PDGFD: variants seen among roughly 807,000 people sequenced by gnomAD.
PDGFD encodes the protein platelet-derived growth factor D.
In PDGFD, 30 loss-of-function variants were observed where a neutral mutation model predicts 44.7. The observed-to-expected ratio is 0.67, with a 90% confidence interval of 0.50 to 0.91. The LOEUF (loss-of-function observed/expected upper bound fraction) is 0.91, where lower values mean the gene tolerates loss of function less well. PDGFD is among the 40% of genes least tolerant of loss of function. PDGFD has a pLI of 0.00. For synonymous variants in PDGFD, 173 were observed against 168.4 expected (o/e 1.03, Z -0.21); for missense variants, 445 against 457.8 (o/e 0.97, Z 0.25).
intron 1 of PDGFD, among the ~76,000 whole-genome samples, chr11:104,024,843 C>A (rs571233313): frequency 6.6e-6 from 1 of 152,330 alleles, no homozygotes; most frequent in African/African-American, 2.4e-5. Context: ...AGTGTCAAAT[C>A]TGTATAATCT....
intron 3 of PDGFD, among the ~76,000 whole-genome samples, chr11:103,960,768 G>C (rs1462353468): frequency 5.3e-5 from 8 of 152,180 alleles, no homozygotes; most frequent in Non-Finnish European, 1.2e-4. Context: ...GACAGTTCTA[G>C]AGGATGGGAA....
intron 1 of PDGFD, among the ~76,000 whole-genome samples, chr11:104,018,329 C>G (rs187643971): frequency 6.6e-6 from 1 of 152,286 alleles, no homozygotes; most frequent in Non-Finnish European, 1.5e-5. Context: ...TATCAGTAAA[C>G]AGAACTGAAG....
chr11:103,934,465 A>C (rs1858455884), intron 5 of PDGFD, among the ~76,000 whole-genome samples: 1 of 152,228 alleles, frequency 6.6e-6, no homozygotes, highest in Non-Finnish European at 1.5e-5. Context: ...CATCAGACGT[A>C]ACACTATCCT....
intron 1 of PDGFD, among the ~76,000 whole-genome samples, chr11:104,108,890 T>G (rs1292726901): frequency 6.6e-6 from 1 of 152,196 alleles, no homozygotes. Context: ...GATGAGTTCA[T>G]GTCCTTTGTA....
intron 1 of PDGFD, among the ~76,000 whole-genome samples, chr11:104,085,226 T>C (rs1189480961): frequency 6.6e-6 from 1 of 152,166 alleles, no homozygotes; most frequent in East Asian, 1.9e-4. Context: ...TTAATAGCCA[T>C]ACCTTTCATC....
chr11:103,922,133 G>A (rs1858234365), intron 6 of PDGFD, among the ~76,000 whole-genome samples: 1 of 152,062 alleles, frequency 6.6e-6, no homozygotes, highest in African/African-American at 2.4e-5. Context: ...TGACTAAATG[G>A]ATACAGCCAG....
Position 103,940,058 on chromosome 11 carries a change from CCT to C in PDGFD, c.772+3392_772+3393del, listed in dbSNP as rs376336273. Among the ~76,000 whole-genome samples, 70 of 151,774 alleles carry C rather than the reference CCT, an allele frequency of 4.6e-4. No individual in the cohort carries two copies. The East Asian group carries it at 0.012, about 25-fold the overall frequency. On this transcript the variant is annotated intron_variant, in intron 5 of 6. Transcript: ENST00000393158. ...CAATACTTGGTAATTTTATCTGTTT[CCT>C]CTCTCTCTCTTTCCTCACCAAAACT... is the stretch of plus-strand genomic sequence containing the variant.
At chr11:103,967,901 C>T (rs1424096587) in intron 3 of PDGFD, among the ~76,000 whole-genome samples, 1 of 152,158 alleles carries the variant, frequency 6.6e-6, no homozygotes, top group East Asian at 1.9e-4. Context: ...ACTCAAGCTT[C>T]TTGAAACAGT....
intron 6 of PDGFD, among the ~76,000 whole-genome samples, chr11:103,922,633 T>C (rs1858243298): frequency 2.0e-5 from 3 of 152,160 alleles, no homozygotes; most frequent in African/African-American, 7.2e-5. Context: ...TGCTGCAACC[T>C]TGAACTCCTG....
intron 6 of PDGFD, among the ~76,000 whole-genome samples, chr11:103,910,728 G>A (rs944160385): frequency 3.7e-5 from 5 of 133,828 alleles, no homozygotes; most frequent in Admixed American, 1.5e-4. Flanking sequence ...CCCCAGTGGC[G>A]CCTGGAATGC....
In PDGFD at chr11:103,967,209, CCT is replaced by C. The variant is rs149096631; in HGVS notation, c.511-19487_511-19486del. On this transcript the variant is annotated intron_variant, in intron 3 of 6. Coordinates refer to ENST00000393158, the MANE Select transcript of PDGFD (RefSeq NM_025208.5). ...AACTCAGGCCACTCAACTATTATTC[CCT>C]GTTTTCACTCTGTATATTGCTTCCT... Among the ~76,000 whole-genome samples the C allele has an allele frequency of 8.0e-3, 1,223 of 152,236 alleles. 23 individuals carry two copies. The highest frequency in any genetic ancestry group is 0.028 in the African/African-American group (1,167 of 41,524).
chr11:103,934,684 C>T (rs1222122375), intron 5 of PDGFD, among the ~76,000 whole-genome samples: 2 of 152,108 alleles, frequency 1.3e-5, no homozygotes, highest in South Asian at 2.1e-4. Flanking sequence ...TGTAGGGGAA[C>T]TGCCCTTTAT....
chr11:104,036,382 T>C (rs898267611), intron 1 of PDGFD, among the ~76,000 whole-genome samples: 1 of 152,114 alleles, frequency 6.6e-6, no homozygotes, highest in African/African-American at 2.4e-5. Flanking sequence ...AGGTCGAGGC[T>C]ACAGTGAGCT....
At chr11:104,159,706 G>A (rs1300326663) in intron 1 of PDGFD, among the ~76,000 whole-genome samples, 2 of 152,096 alleles carry the variant, frequency 1.3e-5, no homozygotes, top group Non-Finnish European at 2.9e-5. Flanking sequence ...GGGCTCCATT[G>A]TTTGACTCTT....
chr11:104,104,618 A>T (rs549557055), intron 1 of PDGFD, among the ~76,000 whole-genome samples: 1 of 152,288 alleles, frequency 6.6e-6, no homozygotes, highest in African/African-American at 2.4e-5. Flanking sequence ...GCTACAAACC[A>T]TCTATAGCTT....
intron 1 of PDGFD, among the ~76,000 whole-genome samples, chr11:104,055,744 T>C (rs1860608798): frequency 6.6e-6 from 1 of 152,208 alleles, no homozygotes; most frequent in Non-Finnish European, 1.5e-5. Context: ...GCTTTGAAGG[T>C]GCCAACTATA....
intron 5 of PDGFD, among the ~76,000 whole-genome samples, chr11:103,941,843 T>C (rs944726339): frequency 5.3e-5 from 8 of 152,160 alleles, no homozygotes; most frequent in Admixed American, 3.3e-4. Context: ...ATACTATTTT[T>C]ATATAAAATT....
chr11:103,909,889 T>C lies in PDGFD; in HGVS notation c.988-70A>G, dbSNP rs115126545. 1,701 of 1,586,520 alleles carry C rather than the reference T, an allele frequency of 1.1e-3. 25 individuals carry two copies. The African/African-American group carries it at 0.02, about 19-fold the overall frequency. ...AACTCAGTCAGATGCCACCTACTTA[T>C]TACCTTTTTGACAACTAGTTCTTAG... On this transcript the variant is annotated intron_variant, in intron 6 of 6. Transcript: ENST00000393158.
intron 1 of PDGFD, among the ~76,000 whole-genome samples, chr11:104,118,252 C>G (rs559372509): frequency 6.6e-6 from 1 of 151,726 alleles, no homozygotes; most frequent in Admixed American, 6.6e-5. Context: ...GAGAGTGGAG[C>G]CCTCATGAAT....
Sources: allele counts gnomAD v4.1 joint callset (sites outside exome capture counted in the v4.1 genomes callset), GRCh38; gene constraint gnomAD v4.1.1; transcripts MANE v1.5; gene names NCBI Gene and HGNC (gene_info 2026-07-23, HGNC 2026-07-21).